The following MSR1 variants were observed in gnomAD, a reference collection of about 807,000 sequenced individuals.
The protein encoded by MSR1 is macrophage scavenger receptor 1.
Under a neutral mutation model 47.2 loss-of-function variants are expected in MSR1, and 53 were observed. The observed-to-expected ratio is 1.12, with a 90% CI of 0.90 to 1.41. The LOEUF (loss-of-function observed/expected upper bound fraction) is 1.41. MSR1 is among the 40% of genes most tolerant of loss of function. The pLI, the probability that MSR1 is intolerant of heterozygous loss-of-function variation, is 0.00. For synonymous variants in MSR1, 239 were observed against 185.6 expected, an observed-to-expected ratio of 1.29 and a Z score of -2.34; for missense variants, 786 against 546.9, an observed-to-expected ratio of 1.44 and a Z score of -4.36.
intron 8 of MSR1, among the ~76,000 whole-genome samples, chr8:16,122,796 G>C (rs898244916): frequency 6.6e-6 from 1 of 150,514 alleles, no homozygotes; most frequent in Non-Finnish European, 1.5e-5. Context: ...GCCAAATTCC[G>C]TATGCTCAAG....
chr8:16,154,923 CAT>C, intron 6 of MSR1, 139 bp downstream of exon 6: 1 of 695,408 alleles, frequency 1.4e-6, no homozygotes, highest in Non-Finnish European at 2.5e-6. Context: ...CATATACACA[CAT>C]GTGCGTGCAT....
rs1338920304 is a variant in MSR1, at chr8:16,140,068, A to C, written c.1033+3490T>G. On this transcript the variant is annotated intron_variant, in intron 8 of 9. Transcript: ENST00000262101. ...TGTTATGTCCAGCTCATGGAGGTAC[A>C]TAATGGACATGTGAATTAATGATTG... The C allele has an allele frequency of 4.9e-6, 4 of 815,718 alleles. No homozygotes were observed. In the African/African-American group the frequency reaches 9.1e-5, roughly 18 times the overall value. 50.5% of individuals were successfully genotyped at this position (815,718 alleles called of 1,614,324 possible).
intron 3 of MSR1, among the ~76,000 whole-genome samples, chr8:16,170,058 T>C (rs1206535278): frequency 6.6e-6 from 1 of 152,074 alleles, no homozygotes; most frequent in Non-Finnish European, 1.5e-5. Flanking sequence ...TAACTTTTTA[T>C]GCAAAAATAG....
intron 7 of MSR1, among the ~76,000 whole-genome samples, chr8:16,148,942 A>G (rs1212233835): frequency 6.6e-6 from 1 of 152,156 alleles, no homozygotes; most frequent in Non-Finnish European, 1.5e-5. Context: ...AAGGCCACAT[A>G]CTGTCTGACT....
chr8:16,134,750 G>T (rs1800349004), intron 8 of MSR1, among the ~76,000 whole-genome samples: 1 of 152,134 alleles, frequency 6.6e-6, no homozygotes, highest in African/African-American at 2.4e-5. Context: ...TACCTAAGTT[G>T]TAAATGTGAG....
chr8:16,191,795 G>A (rs1220966731), intron 1 of MSR1, among the ~76,000 whole-genome samples: 1 of 152,134 alleles, frequency 6.6e-6, no homozygotes, highest in African/African-American at 2.4e-5. Flanking sequence ...CCTGGTCAGT[G>A]CAAATGCCAA....
intron 1 of MSR1, among the ~76,000 whole-genome samples, chr8:16,178,626 G>T (rs926635957): frequency 6.6e-6 from 1 of 152,130 alleles, no homozygotes; most frequent in Non-Finnish European, 1.5e-5. Flanking sequence ...ACCCAGTAAT[G>T]GGATGGCTGG....
chr8:16,125,801 G>T (rs2117073601), intron 8 of MSR1, among the ~76,000 whole-genome samples: 1 of 152,118 alleles, frequency 6.6e-6, no homozygotes, highest in East Asian at 1.9e-4. Context: ...AGGTGTCCCT[G>T]TGTCTCCCAG....
At chr8:16,177,173 T>C (rs896812894) in intron 2 of MSR1, among the ~76,000 whole-genome samples, 2 of 152,172 alleles carry the variant, frequency 1.3e-5, no homozygotes, top group African/African-American at 4.8e-5. Context: ...CACCAACAGA[T>C]ATGTTAAAGT....
chr8:16,177,978 C>T lies in MSR1; in HGVS notation c.11G>A (p.Trp4Ter). ...CTCCTGTTGATTGTGAAAGTGATCC[C>T]ACTGCTCCATACTTCTATGAAACAA... MEQ[W>*]DHFHNQQEDT... The change falls in exon 2 of 10, where the codon TGG (tryptophan) becomes TAG (stop). Residue 4 changes from tryptophan (W) to a stop codon, truncating the protein, a stop_gained. Transcript: ENST00000262101. LOFTEE classifies it high-confidence loss of function. 6 of 1,613,558 alleles carry T rather than the reference C, an allele frequency of 3.7e-6. No individual in the cohort carries two copies. Among genetic ancestry groups the T allele is most frequent in the Non-Finnish European group, 5.1e-6 (6 of 1,179,630 alleles).
chr8:16,133,127 G>A (rs1337290803), intron 8 of MSR1, among the ~76,000 whole-genome samples: 2 of 151,952 alleles, frequency 1.3e-5, no homozygotes, highest in African/African-American at 4.8e-5. Flanking sequence ...AACAGTTTGT[G>A]GAAAAAAGCA....
rs150880709 is a variant in MSR1 at position 16,133,056 on chromosome 8, G to C, written c.1033+10502C>G. On this transcript the variant is annotated intron_variant, in intron 8 of 9. Coordinates refer to ENST00000262101, the MANE Select transcript of MSR1 (RefSeq NM_138715.3). ...GTAGTTTTTGTTGTTAGTTTTATGA[G>C]GTGAATCACATTTATTGATTTGCAA... Among the ~76,000 whole-genome samples the C allele has an allele frequency of 3.3e-5, 5 of 152,042 alleles. No homozygotes were observed. In the East Asian group the frequency reaches 9.7e-4, roughly 29 times the overall value.
chr8:16,142,454 T>C (rs772544161), intron 8 of MSR1, among the ~76,000 whole-genome samples: 14 of 152,106 alleles, frequency 9.2e-5, no homozygotes, highest in African/African-American at 2.2e-4. Context: ...TGTTTTAATA[T>C]AACAGTAATA....
chr8:16,165,550 C>G (rs1295002784), intron 4 of MSR1, among the ~76,000 whole-genome samples: 2 of 151,980 alleles, frequency 1.3e-5, no homozygotes, highest in Non-Finnish European at 2.9e-5. Context: ...CATTTTCTGT[C>G]TTCATTGTAT....
intron 1 of MSR1, among the ~76,000 whole-genome samples, chr8:16,187,135 G>A (rs1009399937): frequency 2.6e-5 from 4 of 151,808 alleles, no homozygotes; most frequent in African/African-American, 9.7e-5. Context: ...GGCTGAGGCG[G>A]GTGGATCACC....
chr8:16,167,138 C>T (rs1156711364), intron 4 of MSR1, among the ~76,000 whole-genome samples: 1 of 152,158 alleles, frequency 6.6e-6, no homozygotes, highest in Non-Finnish European at 1.5e-5. Flanking sequence ...GCTCACTGAT[C>T]ACCAGATTTT....
intron 3 of MSR1, among the ~76,000 whole-genome samples, chr8:16,172,613 C>G (rs909518273): frequency 2.8e-4 from 42 of 151,930 alleles, no homozygotes; most frequent in African/African-American, 9.7e-4. Flanking sequence ...TTGGAATTAT[C>G]TTTTCATACC....
At chr8:16,138,783 A>G (rs78381357) in intron 8 of MSR1, among the ~76,000 whole-genome samples, 1,630 of 152,308 alleles carry the variant, frequency 0.011, 31 homozygotes, top group African/African-American at 0.038. Flanking sequence ...TGGCTATTCA[A>G]TGTTGCTAGC....
intron 9 of MSR1, among the ~76,000 whole-genome samples, chr8:16,115,891 G>A (rs1799867211): frequency 6.6e-6 from 1 of 152,116 alleles, no homozygotes; most frequent in Non-Finnish European, 1.5e-5. Flanking sequence ...TGCAGGCTAA[G>A]GTGGGAGGAT....
Sources: gnomAD v4.1 joint callset for allele counts (sites outside exome capture counted in the v4.1 genomes callset) on GRCh38, gnomAD v4.1.1 for gene constraint, MANE v1.5 for transcripts, NCBI Gene and HGNC (gene_info 2026-07-23, HGNC 2026-07-21) for gene names.